The following ZC3H12B variants were observed in gnomAD, a reference collection of about 807,000 sequenced individuals.
ZC3H12B encodes probable ribonuclease ZC3H12B.
A neutral mutation model predicts 43.9 loss-of-function variants in ZC3H12B; 7 were observed. The observed-to-expected ratio is 0.16, with a 90% confidence interval of 0.09 to 0.30. ZC3H12B has a LOEUF of 0.30. ZC3H12B is among the 10% of genes least tolerant of loss of function. The probability of loss-of-function intolerance (pLI) is 1.00; values close to 1 mark genes in which losing one functional copy is unlikely to be tolerated. For synonymous variants in ZC3H12B, 222 were observed against 241.7 expected, an observed-to-expected ratio of 0.92 and a Z score of 0.76; for missense variants, 475 against 670.2, an observed-to-expected ratio of 0.71 and a Z score of 3.22.
the ZC3H12B span, among the ~76,000 whole-genome samples, chrX:65,156,990 A>T: frequency 1.8e-5 from 2 of 110,195 alleles, no homozygotes; most frequent in Admixed American, 9.8e-5. Flanking sequence ...TTTAATTTTT[A>T]TTAATTTTCA....
chrX:65,119,981 G>A, the ZC3H12B span, among the ~76,000 whole-genome samples: 1 of 111,333 alleles, frequency 9.0e-6, no homozygotes, highest in Non-Finnish European at 1.9e-5. Context: ...ATTTCTGAGG[G>A]CTCTGTTCAG....
At chrX:65,234,015 T>G in the ZC3H12B span, among the ~76,000 whole-genome samples, 2 of 111,569 alleles carry the variant, frequency 1.8e-5, no homozygotes, top group Admixed American at 1.9e-4. Context: ...AAATTCATTC[T>G]TCAAGTACAG....
chrX:65,436,093 C>T (rs1015168408), intron 3 of ZC3H12B, among the ~76,000 whole-genome samples: 1 of 112,237 alleles, frequency 8.9e-6, no homozygotes, highest in Non-Finnish European at 1.9e-5. Flanking sequence ...TGCCAGAAGC[C>T]AGAAGCCAAG....
At chrX:65,264,665 A>G in the ZC3H12B span, among the ~76,000 whole-genome samples, 1 of 111,678 alleles carries the variant, frequency 9.0e-6, no homozygotes, top group African/African-American at 3.2e-5. Context: ...TATTATTTTC[A>G]TTTTACAGAT....
chrX:65,429,466 T>A (rs1298127978), intron 3 of ZC3H12B, among the ~76,000 whole-genome samples: 2 of 112,089 alleles, frequency 1.8e-5, no homozygotes, highest in Non-Finnish European at 3.8e-5. Flanking sequence ...TGAAGCCCTG[T>A]CTGGGAGGTT....
At chrX:65,413,211 G>A (rs935616864) in intron 3 of ZC3H12B, among the ~76,000 whole-genome samples, 1 of 111,562 alleles carries the variant, frequency 9.0e-6, no homozygotes, top group Admixed American at 9.5e-5. Context: ...TCTCTTATCA[G>A]ACATGATTTG....
At chrX:65,202,060 TGTAATA>T in the ZC3H12B span, among the ~76,000 whole-genome samples, 3 of 93,006 alleles carry the variant, frequency 3.2e-5, no homozygotes, top group Non-Finnish European at 4.1e-5. Flanking sequence ...ATATATTATA[TGTAATA>T]TATATATTAC....
chrX:65,178,509 A>G, the ZC3H12B span, among the ~76,000 whole-genome samples: 1 of 112,525 alleles, frequency 8.9e-6, no homozygotes, highest in African/African-American at 3.2e-5. Flanking sequence ...ATTGCAATCT[A>G]TCCATCTGAC....
At chrX:65,096,740 G>T in the ZC3H12B span, among the ~76,000 whole-genome samples, 1 of 111,663 alleles carries the variant, frequency 9.0e-6, no homozygotes, top group African/African-American at 3.3e-5. Context: ...ACATTGAAGA[G>T]ATTTGTAAAA....
chrX:65,188,504 C>T, the ZC3H12B span, among the ~76,000 whole-genome samples: 1 of 109,861 alleles, frequency 9.1e-6, no homozygotes, highest in Non-Finnish European at 1.9e-5. Flanking sequence ...TGAATATAGG[C>T]CATTTTAACT....
At chrX:65,100,809 A>G in the ZC3H12B span, among the ~76,000 whole-genome samples, 2 of 110,600 alleles carry the variant, frequency 1.8e-5, no homozygotes, top group South Asian at 7.8e-4. Context: ...ATGGGAGACT[A>G]TAACACCCCA....
chrX:65,262,300 G>A, the ZC3H12B span, among the ~76,000 whole-genome samples: 1 of 110,853 alleles, frequency 9.0e-6, no homozygotes, highest in Non-Finnish European at 1.9e-5. Context: ...TTACTAAGTT[G>A]AGTGAAAAAC....
chrX:65,307,629 C>A, the ZC3H12B span, among the ~76,000 whole-genome samples: 1 of 111,504 alleles, frequency 9.0e-6, no homozygotes, highest in African/African-American at 3.3e-5. Flanking sequence ...AATGACCAGA[C>A]CCTTAATTAT....
intron 3 of ZC3H12B, among the ~76,000 whole-genome samples, chrX:65,440,393 A>G (rs994146213): frequency 1.8e-5 from 2 of 112,678 alleles, no homozygotes; most frequent in African/African-American, 6.4e-5. Context: ...TGAACCATGT[A>G]TGAAGAATCA....
At chrX:65,375,920 A>T (rs1473826874) in intron 2 of ZC3H12B, among the ~76,000 whole-genome samples, 2 of 111,822 alleles carry the variant, frequency 1.8e-5, no homozygotes, top group African/African-American at 6.5e-5. Context: ...CAGAGGAAAA[A>T]GTAAAGGGGA....
chrX:65,372,050 T>C (rs1351235220), intron 2 of ZC3H12B, among the ~76,000 whole-genome samples: 2 of 112,108 alleles, frequency 1.8e-5, no homozygotes, highest in African/African-American at 6.5e-5. Context: ...ATAGAGAGTT[T>C]GTGTTTAAAA....
At chrX:65,307,742 A>C in the ZC3H12B span, among the ~76,000 whole-genome samples, 1 of 111,803 alleles carries the variant, frequency 8.9e-6, no homozygotes, top group Admixed American at 9.5e-5. Context: ...AGCTAAACAA[A>C]CCTATAGTAG....
the ZC3H12B span, among the ~76,000 whole-genome samples, chrX:65,100,577 A>AAC: frequency 1.0e-5 from 1 of 99,551 alleles, no homozygotes; most frequent in East Asian, 3.1e-4. Context: ...AAAAAAAAAA[A>AAC]AAAAAAAAAA....
At chrX:65,387,888 C>T (rs1481591506) in intron 2 of ZC3H12B, among the ~76,000 whole-genome samples, 1 of 112,188 alleles carries the variant, frequency 8.9e-6, no homozygotes, top group Non-Finnish European at 1.9e-5. Context: ...TTTATTTCTC[C>T]TTCACTTATG....
Sources: gnomAD v4.1 joint callset for allele counts (sites outside exome capture counted in the v4.1 genomes callset) on GRCh38, gnomAD v4.1.1 for gene constraint, MANE v1.5 for transcripts, NCBI Gene and HGNC (gene_info 2026-07-23, HGNC 2026-07-21) for gene names.